NAALADL2: variants seen among roughly 807,000 people sequenced by gnomAD.
NAALADL2 encodes N-acetylated alpha-linked acidic dipeptidase like 2, also known as inactive N-acetylated-alpha-linked acidic dipeptidase-like protein 2.
Under a neutral mutation model 87.2 loss-of-function variants are expected in NAALADL2, and 76 were observed. The ratio of observed to expected loss-of-function variants is 0.87; its 90% CI spans 0.72 to 1.05. NAALADL2 has a LOEUF of 1.05. Among genes scored for constraint, NAALADL2 ranks in the 50% least tolerant of loss-of-function variants. NAALADL2 has a pLI of 0.00. For synonymous variants in NAALADL2, 354 were observed against 331.0 expected, an observed-to-expected ratio of 1.07 and a Z score of -0.75; for missense variants, 1,089 against 945.8, an observed-to-expected ratio of 1.15 and a Z score of -1.99.
chr3:174,948,908 C>G (rs566851001), intron 1 of NAALADL2, among the ~76,000 whole-genome samples: 1 of 152,096 alleles, frequency 6.6e-6, no homozygotes, highest in Non-Finnish European at 1.5e-5. Flanking sequence ...TTTATTTCTC[C>G]CAATTCTGGA....
chr3:175,299,237 G>C (rs993751291), intron 4 of NAALADL2, among the ~76,000 whole-genome samples: 1 of 152,020 alleles, frequency 6.6e-6, no homozygotes, highest in Non-Finnish European at 1.5e-5. Flanking sequence ...GCTTAGGATT[G>C]TCTTGGCTAT....
intron 3 of NAALADL2, among the ~76,000 whole-genome samples, chr3:174,753,217 G>A (rs1711510225): frequency 6.6e-6 from 1 of 152,084 alleles, no homozygotes; most frequent in African/African-American, 2.4e-5. Context: ...GGTATTACAG[G>A]CATGCGCCAC....
At chr3:174,457,617 A>G (rs992043812) in intron 1 of NAALADL2, among the ~76,000 whole-genome samples, 28 of 152,102 alleles carry the variant, frequency 1.8e-4, no homozygotes, top group Admixed American at 2.6e-4. Flanking sequence ...TGAGGTCAGG[A>G]GTTTAAGACC....
At chr3:174,728,477 T>C (rs979856984) in intron 2 of NAALADL2, among the ~76,000 whole-genome samples, 1 of 152,066 alleles carries the variant, frequency 6.6e-6, no homozygotes, top group Non-Finnish European at 1.5e-5. Context: ...TTTTTGTAAG[T>C]ACTTACTAAA....
chr3:175,408,102 G>A (rs1054804959), intron 5 of NAALADL2, among the ~76,000 whole-genome samples: 2 of 152,074 alleles, frequency 1.3e-5, no homozygotes, highest in African/African-American at 2.4e-5. Context: ...GTAAGAAGTG[G>A]TTAGCAGAAA....
chr3:175,543,857 C>T (rs925822294), intron 9 of NAALADL2, among the ~76,000 whole-genome samples: 1 of 152,092 alleles, frequency 6.6e-6, no homozygotes, highest in Non-Finnish European at 1.5e-5. Flanking sequence ...AATAAGGAAC[C>T]TCTCTAAGAA....
chr3:175,580,145 T>C (rs1719545995), intron 10 of NAALADL2, among the ~76,000 whole-genome samples: 1 of 152,150 alleles, frequency 6.6e-6, no homozygotes. Context: ...GTACCGTAGG[T>C]ATTTTGAAAC....
intron 1 of NAALADL2, among the ~76,000 whole-genome samples, chr3:174,964,355 G>A (rs1239119879): frequency 3.9e-5 from 6 of 152,060 alleles, no homozygotes; most frequent in Non-Finnish European, 8.8e-5. Context: ...ACATGGGAAT[G>A]TTGGGAAGGA....
At chr3:175,383,438 C>A (rs974751885) in intron 5 of NAALADL2, among the ~76,000 whole-genome samples, 1 of 151,962 alleles carries the variant, frequency 6.6e-6, no homozygotes, top group African/African-American at 2.4e-5. Flanking sequence ...TGAGAACATT[C>A]AAAGCCTACT....
At chr3:174,538,687 C>T (rs1230859813) in intron 1 of NAALADL2, among the ~76,000 whole-genome samples, 1 of 152,064 alleles carries the variant, frequency 6.6e-6, no homozygotes, top group African/African-American at 2.4e-5. Flanking sequence ...TACCTGGAGG[C>T]TTCATCTGCA....
chr3:175,418,673 T>C (rs1055930829), intron 5 of NAALADL2, among the ~76,000 whole-genome samples: 1 of 152,046 alleles, frequency 6.6e-6, no homozygotes, highest in Admixed American at 6.6e-5. Flanking sequence ...ATAGCCTAAT[T>C]GGTATTGGTC....
At chr3:175,245,062 C>G (rs920067046) in intron 3 of NAALADL2, among the ~76,000 whole-genome samples, 3 of 152,098 alleles carry the variant, frequency 2.0e-5, no homozygotes, top group Non-Finnish European at 1.5e-5. Context: ...CTTTCTTGGA[C>G]TTCCATAATT....
chr3:175,423,028 A>AAAAAAAAAT (rs1438736874), intron 5 of NAALADL2, among the ~76,000 whole-genome samples: 3 of 111,320 alleles, frequency 2.7e-5, no homozygotes, highest in African/African-American at 1.2e-4. Flanking sequence ...GAAAAAAAAA[A>AAAAAAAAAT]ATATATATAT....
At chr3:174,726,896 T>C (rs968847944) in intron 2 of NAALADL2, among the ~76,000 whole-genome samples, 1 of 152,120 alleles carries the variant, frequency 6.6e-6, no homozygotes, top group Non-Finnish European at 1.5e-5. Flanking sequence ...AATAAGTCCG[T>C]TTTATCTCCA....
intron 1 of NAALADL2, among the ~76,000 whole-genome samples, chr3:174,865,683 A>G (rs1360268314): frequency 6.6e-6 from 1 of 151,942 alleles, no homozygotes; most frequent in East Asian, 1.9e-4. Context: ...GTTATAACAC[A>G]GGGATGTAAA....
chr3:175,589,827 C>T (rs1365905087), intron 10 of NAALADL2, among the ~76,000 whole-genome samples: 5 of 150,640 alleles, frequency 3.3e-5, no homozygotes, highest in African/African-American at 1.2e-4. Flanking sequence ...AAAACCTCCC[C>T]GAATGGTGGT....
chr3:175,161,671 C>A (rs1429975097), intron 2 of NAALADL2, among the ~76,000 whole-genome samples: 2 of 111,360 alleles, frequency 1.8e-5, no homozygotes, highest in African/African-American at 3.5e-5. Context: ...TAGACAATAA[C>A]AAATGTGCAT....
chr3:174,461,222 T>C (rs1256503626), intron 1 of NAALADL2, among the ~76,000 whole-genome samples: 5 of 152,120 alleles, frequency 3.3e-5, no homozygotes, highest in African/African-American at 1.2e-4. Context: ...GTATGCAAAA[T>C]GAATGTTTTA....
At chr3:175,199,467 G>T (rs1056586569) in intron 2 of NAALADL2, among the ~76,000 whole-genome samples, 1 of 151,954 alleles carries the variant, frequency 6.6e-6, no homozygotes, top group Non-Finnish European at 1.5e-5. Flanking sequence ...CATATAATAT[G>T]TAAATAATGT....
Sources: allele counts gnomAD v4.1 joint callset (sites outside exome capture counted in the v4.1 genomes callset), GRCh38; gene constraint gnomAD v4.1.1; transcripts MANE v1.5; gene names NCBI Gene and HGNC (gene_info 2026-07-23, HGNC 2026-07-21).